DCC: variants seen among roughly 807,000 people sequenced by gnomAD.
The protein encoded by DCC is DCC netrin 1 receptor.
A neutral mutation model predicts 172.5 loss-of-function variants in DCC; 58 were observed. That is an observed-to-expected ratio of 0.34 (90% CI 0.27 to 0.42). The LOEUF is 0.42. DCC is among the 10% of genes least tolerant of loss of function. DCC has a pLI of 1.00. For missense variants in DCC, 1,740 were observed against 1,791.0 expected (o/e 0.97, Z 0.51); for synonymous variants, 709 against 644.5 (o/e 1.10, Z -1.52).
intron 5 of DCC, among the ~76,000 whole-genome samples, chr18:52,967,533 C>A (rs972893402): frequency 6.6e-6 from 1 of 152,140 alleles, no homozygotes; most frequent in African/African-American, 2.4e-5. Flanking sequence ...TAGGAATTTG[C>A]ACCATTCTAA....
chr18:53,308,730 G>GA (rs1327304555), intron 13 of DCC, among the ~76,000 whole-genome samples: 17 of 152,246 alleles, frequency 1.1e-4, no homozygotes, highest in Middle Eastern at 3.4e-3. Context: ...TAAAATCATT[G>GA]AAAAAACGCA....
At chr18:53,095,120 A>G (rs2043067142) in intron 7 of DCC, among the ~76,000 whole-genome samples, 1 of 152,202 alleles carries the variant, frequency 6.6e-6, no homozygotes, top group Non-Finnish European at 1.5e-5. Flanking sequence ...TTCCACTCAC[A>G]TTTAGTACCT....
At chr18:53,152,108 A>G (rs561116599) in intron 7 of DCC, among the ~76,000 whole-genome samples, 88 of 152,330 alleles carry the variant, frequency 5.8e-4, no homozygotes, top group African/African-American at 2.0e-3. Context: ...AATGGTGAAG[A>G]TGCAGACTAA....
chr18:52,935,249 A>G (rs1359914087), intron 5 of DCC, among the ~76,000 whole-genome samples: 2 of 152,022 alleles, frequency 1.3e-5, no homozygotes, highest in East Asian at 1.9e-4. Context: ...TAGTTCTTAG[A>G]TCCTTATAAA....
At chr18:52,956,144 A>ATT (rs1261269616) in intron 5 of DCC, among the ~76,000 whole-genome samples, 1 of 151,980 alleles carries the variant, frequency 6.6e-6, no homozygotes, top group Non-Finnish European at 1.5e-5. Context: ...AAAAAACCTA[A>ATT]GTCATTTAGG....
At chr18:52,468,666 A>G (rs1483438953) in intron 1 of DCC, among the ~76,000 whole-genome samples, 1 of 152,208 alleles carries the variant, frequency 6.6e-6, no homozygotes, top group African/African-American at 2.4e-5. Context: ...GCCATGCTAA[A>G]CAGCCAGGAG....
intron 1 of DCC, among the ~76,000 whole-genome samples, chr18:52,702,045 G>T (rs997984640): frequency 6.6e-6 from 1 of 152,162 alleles, no homozygotes; most frequent in African/African-American, 2.4e-5. Context: ...GCCCTGGGGG[G>T]TAATGGCACA....
In DCC at chr18:52,731,225, T is replaced by A. The variant is rs548380965; in HGVS notation, c.92-20829T>A. On this transcript the variant is annotated intron_variant, in intron 1 of 28. Transcript: ENST00000442544. ...ACTGTGTAATTAATGTTTCATTATG[T>A]TAATACATGCAAATGTGAGAGTATG... 1.1e-4 allele frequency among the ~76,000 whole-genome samples: 17 copies of A among 152,326 alleles called. 1 individual carries two copies. In the South Asian group the frequency reaches 3.5e-3, roughly 32 times the overall value.
At chr18:52,813,173 G>A (rs943762790) in intron 2 of DCC, among the ~76,000 whole-genome samples, 2 of 151,794 alleles carry the variant, frequency 1.3e-5, no homozygotes, top group Non-Finnish European at 2.9e-5. Context: ...ACAATTCCAG[G>A]AAAAATCTTC....
intron 1 of DCC, among the ~76,000 whole-genome samples, chr18:52,692,437 G>GTATTT (rs748559358): frequency 4.7e-4 from 71 of 152,040 alleles, no homozygotes; most frequent in South Asian, 1.2e-3. Context: ...GTCTCTCTCT[G>GTATTT]TATTTTATTT....
intron 7 of DCC, among the ~76,000 whole-genome samples, chr18:53,099,887 T>A (rs2043139061): frequency 6.6e-6 from 1 of 151,676 alleles, no homozygotes. Flanking sequence ...CAGCTAGAAG[T>A]TAGAGGTATA....
At chr18:53,036,067 A>G (rs1337733474) in intron 5 of DCC, among the ~76,000 whole-genome samples, 1 of 152,004 alleles carries the variant, frequency 6.6e-6, no homozygotes, top group African/African-American at 2.4e-5. Context: ...ATCTTACAGA[A>G]TTGCTTTAGA....
chr18:52,855,218 T>C (rs528577179), intron 2 of DCC, among the ~76,000 whole-genome samples: 29 of 152,320 alleles, frequency 1.9e-4, no homozygotes, highest in Non-Finnish European at 3.2e-4. Context: ...TTCTATTTAC[T>C]TTTTCTCCTT....
At chr18:53,501,427 G>GA (rs2046095890) in intron 27 of DCC, among the ~76,000 whole-genome samples, 1 of 151,892 alleles carries the variant, frequency 6.6e-6, no homozygotes, top group Non-Finnish European at 1.5e-5. Context: ...TGTTTAATAA[G>GA]AAAAAGACTA....
intron 22 of DCC, among the ~76,000 whole-genome samples, chr18:53,443,778 G>T (rs527773941): frequency 2.6e-5 from 4 of 152,344 alleles, no homozygotes; most frequent in African/African-American, 9.6e-5. Context: ...GTTTGGAATA[G>T]ATTCCAATAA....
intron 14 of DCC, among the ~76,000 whole-genome samples, chr18:53,324,568 G>A (rs1478749036): frequency 6.6e-6 from 1 of 152,084 alleles, no homozygotes; most frequent in Non-Finnish European, 1.5e-5. Context: ...TTAAGGAAGT[G>A]AAGGGGAAGC....
intron 15 of DCC, among the ~76,000 whole-genome samples, chr18:53,356,713 G>A (rs1436750758): frequency 3.3e-5 from 5 of 152,112 alleles, no homozygotes; most frequent in Non-Finnish European, 7.4e-5. Flanking sequence ...GTACTCAGAT[G>A]ATGACTTAAG....
At chr18:53,460,348 G>A (rs1398695165) in intron 24 of DCC, among the ~76,000 whole-genome samples, 6 of 128,000 alleles carry the variant, frequency 4.7e-5, no homozygotes, top group African/African-American at 1.2e-4. Flanking sequence ...AGATATATAC[G>A]TATACATGTG....
intron 15 of DCC, among the ~76,000 whole-genome samples, chr18:53,363,850 T>C (rs560665887): frequency 5.6e-4 from 86 of 152,292 alleles, no homozygotes; most frequent in African/African-American, 2.1e-3. Context: ...GTCTTCAGTG[T>C]TTTGCCTGGC....
Sources: allele counts gnomAD v4.1 joint callset (sites outside exome capture counted in the v4.1 genomes callset), GRCh38; gene constraint gnomAD v4.1.1; transcripts MANE v1.5; gene names NCBI Gene and HGNC (gene_info 2026-07-23, HGNC 2026-07-21).